DBX2: variants seen among roughly 807,000 people sequenced by gnomAD.
DBX2 encodes developing brain homeobox 2, also known as homeobox protein DBX2.
DBX2 carries 16 observed loss-of-function variants against 17.7 expected under a neutral mutation model. That is an observed-to-expected ratio of 0.90 (90% confidence interval 0.61 to 1.37). The LOEUF is 1.37. Among genes scored for constraint, DBX2 ranks in the 40% most tolerant of loss-of-function variants. The pLI, the probability that DBX2 is intolerant of heterozygous loss-of-function variation, is 0.00. For missense variants in DBX2, 538 were observed against 433.8 expected (o/e 1.24, Z -2.13); for synonymous variants, 255 against 183.8 (o/e 1.39, Z -3.13).
At chr12:45,031,423 T>A (rs1401663025) in intron 2 of DBX2, among the ~76,000 whole-genome samples, 1 of 152,076 alleles carries the variant, frequency 6.6e-6, no homozygotes, top group African/African-American at 2.4e-5. Flanking sequence ...ATCATTCCCT[T>A]ATAACAAGCC....
At chr12:45,042,835 A>C (rs1303668749) in intron 1 of DBX2, among the ~76,000 whole-genome samples, 14 of 152,158 alleles carry the variant, frequency 9.2e-5, no homozygotes, top group Non-Finnish European at 1.5e-5. Context: ...TATCCTCACA[A>C]CACCAACAAG....
At chr12:45,018,889 A>T (rs904355639) in intron 3 of DBX2, among the ~76,000 whole-genome samples, 4 of 152,062 alleles carry the variant, frequency 2.6e-5, no homozygotes, top group Admixed American at 6.6e-5. Context: ...ACAGGCCAGG[A>T]TAAAAGTACA....
chr12:45,024,697 C>A (rs138245415), intron 2 of DBX2, among the ~76,000 whole-genome samples: 1,860 of 152,244 alleles, frequency 0.012, 9 homozygotes, highest in Non-Finnish European at 0.02. Flanking sequence ...GCTCTCATTA[C>A]CTGTAAGATA....
rs1410538070 is a variant in DBX2 at position 45,015,869 on chromosome 12, TTAA to T, written c.*414_*416del. On this transcript the variant is annotated 3_prime_UTR_variant, in exon 4 of 4. Transcript: ENST00000332700. The stretch of plus-strand genomic sequence containing the variant: ...CAAATTTTACATTATTTTCAAAAAG[TTAA>T]TAACATTCTGTCAATGGTAGTTTTC... The T allele has an allele frequency of 6.5e-6, 1 of 153,328 alleles. No homozygotes were observed. The highest frequency in any genetic ancestry group is 1.5e-5 in the Non-Finnish European group (1 of 68,876). The allele number at this position is 153,328 out of a possible 1,614,324, so 9.5% of individuals were successfully genotyped here.
At position 45,050,928 on chromosome 12, in the gene DBX2, A is replaced by T. The variant is rs762487753; in HGVS notation, c.-1T>A. ...GGGCTGCGACCGCGCTGGGGAGCAT[A>T]GTGCGGCGCCAACCGGTCTGCTGCG... On this transcript the variant is annotated 5_prime_UTR_variant, in exon 1 of 4. Transcript: ENST00000332700. 6 of 1,462,464 alleles carry T rather than the reference A, an allele frequency of 4.1e-6. No homozygotes were observed. The African/African-American group carries it at 7.3e-5, about 18-fold the overall frequency. 90.6% of individuals were successfully genotyped at this position (1,462,464 alleles called of 1,614,324 possible). A position where few individuals can be genotyped will look rare whatever the true frequency, so the allele number is the denominator to read the frequency against.
At chr12:45,050,303 A>AATGGG (rs548091109) in intron 1 of DBX2, among the ~76,000 whole-genome samples, 53 of 152,334 alleles carry the variant, frequency 3.5e-4, no homozygotes, top group African/African-American at 6.3e-4. Flanking sequence ...AAGCTGGTGG[A>AATGGG]ATGGGATGGG....
intron 2 of DBX2, among the ~76,000 whole-genome samples, chr12:45,035,639 T>A (rs1385590211): frequency 6.6e-6 from 1 of 152,216 alleles, no homozygotes; most frequent in East Asian, 1.9e-4. Flanking sequence ...GTGTTACATT[T>A]TAAGTGGAAT....
intron 2 of DBX2, among the ~76,000 whole-genome samples, chr12:45,035,476 T>C (rs2137026785): frequency 6.6e-6 from 1 of 152,354 alleles, no homozygotes; most frequent in South Asian, 2.1e-4. Context: ...TCTACTAAAA[T>C]GTTGCTTTTA....
rs953662080 is a variant in DBX2 at position 45,015,139 on chromosome 12, G to A, written c.*1147C>T. 2.0e-5 allele frequency: 3 copies of A among 152,044 alleles called. No homozygotes were observed. Among genetic ancestry groups the A allele is most frequent in the South Asian group, 2.1e-4 (1 of 4,816 alleles). 9.4% of individuals were successfully genotyped at this position (152,044 alleles called of 1,614,324 possible). ...AACTTCTGGATTAACTCAGCAAATC[G>A]TTACCAGAAATGCAATTTTAGAAAG... On this transcript the variant is annotated 3_prime_UTR_variant, in exon 4 of 4. Coordinates refer to ENST00000332700, the MANE Select transcript of DBX2 (RefSeq NM_001004329.3).
chr12:45,042,756 C>T (rs1946478496), intron 1 of DBX2, among the ~76,000 whole-genome samples: 1 of 152,174 alleles, frequency 6.6e-6, no homozygotes, highest in Admixed American at 6.5e-5. Context: ...AGCTGCTATG[C>T]AGTAACAACA....
intron 2 of DBX2, among the ~76,000 whole-genome samples, chr12:45,034,575 C>T (rs895005922): frequency 6.6e-6 from 1 of 152,148 alleles, no homozygotes; most frequent in African/African-American, 2.4e-5. Flanking sequence ...AGTAGTGTAT[C>T]AGTCCCGGTT....
intron 2 of DBX2, among the ~76,000 whole-genome samples, chr12:45,031,223 TGTGAGAGAGAGAGAGA>T (rs1160436493): frequency 2.7e-4 from 12 of 44,200 alleles, no homozygotes; most frequent in African/African-American, 8.5e-4. Flanking sequence ...TGTGTGTGTG[TGTGAGAGAGAGAGAGA>T]GAGAGAGAGA....
chr12:45,048,204 A>G (rs1279617040), intron 1 of DBX2, among the ~76,000 whole-genome samples: 1 of 152,208 alleles, frequency 6.6e-6, no homozygotes, highest in African/African-American at 2.4e-5. Flanking sequence ...TATTTCACCA[A>G]TGAACTTAAA....
chr12:45,017,599 A>G (rs1565579596), intron 3 of DBX2, among the ~76,000 whole-genome samples: 1 of 152,230 alleles, frequency 6.6e-6, no homozygotes, highest in Admixed American at 6.5e-5. Flanking sequence ...ATCAAACTGT[A>G]AGAATTAAGC....
At chr12:45,019,261 C>T (rs1239580688) in intron 3 of DBX2, among the ~76,000 whole-genome samples, 1 of 151,578 alleles carries the variant, frequency 6.6e-6, no homozygotes, top group Non-Finnish European at 1.5e-5. Flanking sequence ...GACTAACAGC[C>T]AAAGTATTGC....
At position 45,016,548 on chromosome 12, in the gene DBX2, C is replaced by A; in HGVS notation, c.758G>T (p.Arg253Met). ...TTGAAGACCTACTTCTTGGATACAC[C>A]TGTTGGAAAGCACTTCCTTTTCTTT... ...NSKEKEVLSN[R>M]CIQEVGLQED... Residue 253 changes from arginine (R) to methionine (M), a missense_variant, in exon 4 of 4, where the codon AGG (arginine) becomes ATG (methionine). Coordinates refer to ENST00000332700, the MANE Select transcript of DBX2 (RefSeq NM_001004329.3). 1 of 1,590,748 alleles carries A rather than the reference C, an allele frequency of 6.3e-7. No homozygotes were observed. Among genetic ancestry groups the A allele is most frequent in the Non-Finnish European group, 8.5e-7 (1 of 1,171,376 alleles).
Position 45,050,519 on chromosome 12 carries a change from G to C in DBX2, c.403+6C>G. ...CGGCTGGGGAGGGAGGGGAGAGCTG[G>C]CTCACCTGGCGCTGAAGGCTGGAAG... is the stretch of plus-strand genomic sequence containing the variant. On this transcript the variant is annotated splice_donor_region_variant and intron_variant, in intron 1 of 3. Coordinates refer to ENST00000332700, the MANE Select transcript of DBX2 (RefSeq NM_001004329.3). 3 of 1,548,488 alleles carry C rather than the reference G, an allele frequency of 1.9e-6. No homozygotes were observed. The East Asian group carries it at 7.4e-5, about 38-fold the overall frequency.
intron 3 of DBX2, among the ~76,000 whole-genome samples, chr12:45,021,747 G>A (rs113105783): frequency 0.011 from 1,653 of 152,228 alleles, 32 homozygotes; most frequent in African/African-American, 0.037. Flanking sequence ...CCAATCACAC[G>A]GCTGTCCTTT....
intron 3 of DBX2, among the ~76,000 whole-genome samples, chr12:45,021,513 C>T (rs1396419499): frequency 6.6e-6 from 1 of 152,304 alleles, no homozygotes; most frequent in East Asian, 1.9e-4. Context: ...TAGCTACGTT[C>T]CACTGCTTTC....
Sources: gnomAD v4.1 joint callset for allele counts (sites outside exome capture counted in the v4.1 genomes callset) on GRCh38, gnomAD v4.1.1 for gene constraint, MANE v1.5 for transcripts, NCBI Gene and HGNC (gene_info 2026-07-23, HGNC 2026-07-21) for gene names.